The following COL22A1 variants were observed in gnomAD, a reference collection of about 807,000 sequenced individuals.
COL22A1 encodes collagen type XXII alpha 1 chain, also known as collagen alpha-1(XXII) chain.
Under a neutral mutation model 248.9 loss-of-function variants are expected in COL22A1, and 221 were observed. That is an observed-to-expected ratio of 0.89 (90% CI 0.80 to 0.99). The LOEUF is 0.99. Ranked by LOEUF, COL22A1 falls within the 50% of genes least tolerant of loss-of-function variation. The pLI is 0.00. For missense variants in COL22A1, 2,240 were observed against 2,179.0 expected (o/e 1.03, Z -0.56); for synonymous variants, 891 against 793.4 (o/e 1.12, Z -2.07).
chr8:138,909,200 G>T (rs548093445), intron 1 of COL22A1, among the ~76,000 whole-genome samples: 1 of 152,142 alleles, frequency 6.6e-6, no homozygotes, highest in East Asian at 1.9e-4. Context: ...CACTTAACAC[G>T]AGATCTATCC....
Position 138,878,216 on chromosome 8 carries a change from C to A in COL22A1, c.192G>T (p.Leu64=), listed in dbSNP as rs1453017853. Reference sequence around the variant, plus strand: ...CGGGGCCCACCTCGAAGGTGTCCACCAGGTTGGCCACCCACTGCCGGACCT... The same window carrying A: ...CGGGGCCCACCTCGAAGGTGTCCACAAGGTTGGCCACCCACTGCCGGACCT... ...FEKVRQWVAN[L]VDTFEVGPDR... The change falls in exon 3 of 65, where the codon CTG becomes CTT. Residue 64 remains leucine, a synonymous_variant. Coordinates refer to ENST00000303045, the MANE Select transcript of COL22A1 (RefSeq NM_152888.3). The A allele has an allele frequency of 1.9e-6, 3 of 1,596,276 alleles. No individual in the cohort carries two copies. Among genetic ancestry groups the A allele is most frequent in the South Asian group, 2.3e-5 (2 of 87,876 alleles).
chr8:138,817,301 C>T (rs919983703), intron 7 of COL22A1, among the ~76,000 whole-genome samples: 5 of 152,154 alleles, frequency 3.3e-5, no homozygotes, highest in East Asian at 3.9e-4. Flanking sequence ...CTCTGGAGCC[C>T]GTCAAGAATA....
chr8:138,606,573 TC>T, intron 57 of COL22A1, 121 bp from the exon 58 acceptor site: 2 of 934,620 alleles, frequency 2.1e-6, no homozygotes, highest in Non-Finnish European at 3.3e-6. Flanking sequence ...ACACAAATCC[TC>T]CCATGATGGA....
At chr8:138,671,546 G>A (rs777697178) in intron 41 of COL22A1, among the ~76,000 whole-genome samples, 1 of 152,226 alleles carries the variant, frequency 6.6e-6, no homozygotes, top group African/African-American at 2.4e-5. Context: ...AGTAAATTGT[G>A]TTGCCAAAGT....
chr8:138,636,987 C>T (rs1437859070), intron 47 of COL22A1, among the ~76,000 whole-genome samples, 192 bp from the exon 48 acceptor site: 5 of 152,058 alleles, frequency 3.3e-5, no homozygotes, highest in Non-Finnish European at 7.4e-5. Context: ...GATAAAATGG[C>T]TTAACTGGGA....
At chr8:138,885,185 A>G (rs1043349257) in intron 1 of COL22A1, among the ~76,000 whole-genome samples, 3 of 152,134 alleles carry the variant, frequency 2.0e-5, no homozygotes, top group African/African-American at 7.2e-5. Flanking sequence ...GGACACAAAC[A>G]TGCTCTCACC....
chr8:138,680,420 G>A (rs183147007), intron 39 of COL22A1, among the ~76,000 whole-genome samples: 2 of 152,162 alleles, frequency 1.3e-5, no homozygotes, highest in African/African-American at 2.4e-5. Context: ...TAGCTGAGCT[G>A]GGATTCTAAC....
intron 3 of COL22A1, among the ~76,000 whole-genome samples, chr8:138,876,030 G>A (rs1255974657): frequency 6.6e-6 from 1 of 152,056 alleles, no homozygotes; most frequent in Non-Finnish European, 1.5e-5. Context: ...CTGTTCAGCG[G>A]CATTCCATTC....
intron 62 of COL22A1, among the ~76,000 whole-genome samples, chr8:138,596,096 G>C (rs981456538): frequency 1.1e-4 from 17 of 152,318 alleles, no homozygotes; most frequent in Admixed American, 4.6e-4. Flanking sequence ...GAGATTGTTT[G>C]GAGGCTGCTT....
chr8:138,724,840 T>C (rs1281162565), intron 24 of COL22A1, among the ~76,000 whole-genome samples, 172 bp from the exon 25 acceptor site: 3 of 152,210 alleles, frequency 2.0e-5, no homozygotes, highest in Non-Finnish European at 2.9e-5. Context: ...ACCTCTGAAG[T>C]TGACACGTCC....
intron 16 of COL22A1, among the ~76,000 whole-genome samples, chr8:138,763,339 G>A (rs2318362): frequency 0.89 from 135,701 of 151,654 alleles, 60,772 homozygotes; most frequent in East Asian, 1. Flanking sequence ...GCAAGTTGAG[G>A]TCATGCCACT....
intron 2 of COL22A1, among the ~76,000 whole-genome samples, chr8:138,879,243 G>C (rs62528817): frequency 6.6e-6 from 1 of 152,084 alleles, no homozygotes; most frequent in African/African-American, 2.4e-5. Flanking sequence ...TTCCATGGCT[G>C]CAAAGAGTCC....
intron 23 of COL22A1, among the ~76,000 whole-genome samples, chr8:138,728,951 C>A (rs1201029687): frequency 6.6e-6 from 1 of 152,044 alleles, no homozygotes; most frequent in Non-Finnish European, 1.5e-5. Flanking sequence ...CCACCACTAG[C>A]ACTGCTGATG....
At position 138,599,158 on chromosome 8, in the gene COL22A1, C is replaced by T. The variant is rs184494426; in HGVS notation, c.4186-260G>A. Among the ~76,000 whole-genome samples the T allele has an allele frequency of 3.7e-3, 566 of 152,176 alleles. 10 individuals are homozygous for T. The highest frequency in any genetic ancestry group is 0.025 in the Admixed American group (383 of 15,282). Reference sequence around the variant, plus strand: ...GAGATTGAGACCATCCTGGCTAATACGGTGAAACCCTGTCTCTACTAAAAA... The same window carrying T: ...GAGATTGAGACCATCCTGGCTAATATGGTGAAACCCTGTCTCTACTAAAAA... On this transcript the variant is annotated intron_variant, in intron 60 of 64. Coordinates refer to ENST00000303045, the MANE Select transcript of COL22A1 (RefSeq NM_152888.3).
At chr8:138,859,599 C>T (rs1457910413) in intron 3 of COL22A1, among the ~76,000 whole-genome samples, 3 of 152,192 alleles carry the variant, frequency 2.0e-5, no homozygotes, top group South Asian at 2.1e-4. Context: ...TCACTGGGCA[C>T]AGGGCTGAGA....
chr8:138,789,183 G>T (rs1018071564), intron 12 of COL22A1, among the ~76,000 whole-genome samples: 2 of 152,216 alleles, frequency 1.3e-5, no homozygotes, highest in African/African-American at 4.8e-5. Flanking sequence ...CTGAGGCCCT[G>T]CAGTGCTGTG....
At chr8:138,781,682 G>T (rs183206261) in intron 12 of COL22A1, among the ~76,000 whole-genome samples, 24 of 152,224 alleles carry the variant, frequency 1.6e-4, no homozygotes, top group African/African-American at 5.5e-4. Flanking sequence ...CCTGGAGAAG[G>T]CTGGGGCAGG....
chr8:138,769,300 T>C (rs554253673), intron 16 of COL22A1, among the ~76,000 whole-genome samples: 18 of 152,234 alleles, frequency 1.2e-4, no homozygotes, highest in African/African-American at 4.3e-4. Context: ...TCGGACCACA[T>C]AACGTGGCCT....
At chr8:138,902,048 G>A (rs1046899457) in intron 1 of COL22A1, among the ~76,000 whole-genome samples, 1 of 152,166 alleles carries the variant, frequency 6.6e-6, no homozygotes, top group South Asian at 2.1e-4. Flanking sequence ...GACTCCAGCT[G>A]TAAGACGCTG....
Sources: allele counts gnomAD v4.1 joint callset (sites outside exome capture counted in the v4.1 genomes callset), GRCh38; gene constraint gnomAD v4.1.1; transcripts MANE v1.5; gene names NCBI Gene and HGNC (gene_info 2026-07-23, HGNC 2026-07-21).